Variants in SPNS3 observed in about 807,000 individuals in gnomAD.
SPNS3 encodes the protein protein spinster homolog 3.
Under a neutral mutation model 54.4 loss-of-function variants are expected in SPNS3, and 51 were observed. The ratio of observed to expected loss-of-function variants is 0.94; its 90% CI spans 0.75 to 1.18. SPNS3 has a LOEUF of 1.18. Ranked by LOEUF, SPNS3 falls within the 50% of genes most tolerant of loss-of-function variation. SPNS3 has a pLI of 0.00. For synonymous variants in SPNS3, 309 were observed against 294.7 expected, an observed-to-expected ratio of 1.05 and a Z score of -0.50; for missense variants, 669 against 677.4, an observed-to-expected ratio of 0.99 and a Z score of 0.14.
intron 8 of SPNS3, among the ~76,000 whole-genome samples, chr17:4,466,892 T>G (rs1188471488): frequency 7.2e-5 from 11 of 152,094 alleles, no homozygotes; most frequent in Admixed American, 7.2e-4. Context: ...GGATGAGTTC[T>G]CTGGAGAGCA....
At chr17:4,461,361 C>CTTTTT (rs55928003) in intron 8 of SPNS3, among the ~76,000 whole-genome samples, 495 of 33,456 alleles carry the variant, frequency 0.015, 11 homozygotes, top group East Asian at 0.024. Context: ...CTTTTCTTTT[C>CTTTTT]TTTTTTTTTT....
At chr17:4,463,396 C>CAAAAA (rs368770425) in intron 8 of SPNS3, among the ~76,000 whole-genome samples, 67 of 122,148 alleles carry the variant, frequency 5.5e-4, no homozygotes, top group African/African-American at 1.8e-3. Context: ...GACTCTGTCT[C>CAAAAA]AAAAAAAAAA....
chr17:4,451,933 C>T (rs1036479501), intron 7 of SPNS3, among the ~76,000 whole-genome samples: 13 of 151,902 alleles, frequency 8.6e-5, no homozygotes, highest in African/African-American at 2.9e-4. Context: ...CCCACCTCGG[C>T]CTCCCAAAGT....
chr17:4,436,862 C>T (rs758272973), intron 1 of SPNS3, among the ~76,000 whole-genome samples: 4 of 152,186 alleles, frequency 2.6e-5, no homozygotes, highest in Non-Finnish European at 5.9e-5. Flanking sequence ...GCCAAGGGCA[C>T]GCAAAGGCGA....
rs184250381 is a variant in SPNS3 at position 4,455,090 on chromosome 17, T to A, written c.1113+1885T>A. Among the ~76,000 whole-genome samples, 235 of 152,190 alleles carry A rather than the reference T, an allele frequency of 1.5e-3. 1 individual carries two copies. The highest frequency in any genetic ancestry group is 5.3e-3 in the African/African-American group (222 of 41,508). On this transcript the variant is annotated intron_variant, in intron 8 of 11. Transcript: ENST00000355530. ...CACCACGCCCAGCTAATTTTTGTAT[T>A]TTTAATAGAGATGGGGTTTCGCCAC...
In SPNS3 at chr17:4,448,239, G is replaced by T. The variant is rs61740736; in HGVS notation, c.706G>T (p.Gly236Trp). 12 of 1,601,418 alleles carry T rather than the reference G, an allele frequency of 7.5e-6. No homozygotes were observed. In the East Asian group the frequency reaches 2.0e-4, roughly 27 times the overall value. The part of the protein sequence containing the change: ...DPPRGAAETQ[G>W]EGAVGGFRSS... Reference sequence around the variant, plus strand: ...ACCCCGGGGAGCTGCCGAGACACAGGGGGAGGGGGCCGTGGGAGGCTTCAG... The same window carrying T: ...ACCCCGGGGAGCTGCCGAGACACAGTGGGAGGGGGCCGTGGGAGGCTTCAG... Residue 236 changes from glycine to tryptophan, a missense_variant, in exon 6 of 12, where the codon GGG (glycine) becomes TGG (tryptophan). Coordinates refer to ENST00000355530, the MANE Select transcript of SPNS3 (RefSeq NM_182538.5).
intron 2 of SPNS3, among the ~76,000 whole-genome samples, chr17:4,440,075 C>A (rs752052502): frequency 2.0e-5 from 3 of 152,154 alleles, no homozygotes; most frequent in Non-Finnish European, 2.9e-5. Flanking sequence ...CTGATGTGTG[C>A]TTTCCTCTCA....
intron 8 of SPNS3, among the ~76,000 whole-genome samples, chr17:4,462,729 C>CAGT: frequency 3.3e-5 from 4 of 122,392 alleles, no homozygotes; most frequent in African/African-American, 1.0e-4. Flanking sequence ...ACCCACCCAC[C>CAGT]CATCCACCAA....
chr17:4,465,324 G>A (rs955681208), intron 8 of SPNS3, among the ~76,000 whole-genome samples: 1 of 152,144 alleles, frequency 6.6e-6, no homozygotes, highest in African/African-American at 2.4e-5. Flanking sequence ...GAACTGTGTT[G>A]CCTTTTATGA....
chr17:4,462,818 C>T (rs1189158704), intron 8 of SPNS3, among the ~76,000 whole-genome samples: 1 of 145,388 alleles, frequency 6.9e-6, no homozygotes, highest in Non-Finnish European at 1.5e-5. Flanking sequence ...TCTATCCATC[C>T]ATCCATCCAT....
chr17:4,487,816 C>G lies in SPNS3; in HGVS notation c.1461C>G (p.Asp487Glu), dbSNP rs1320416511. 7.4e-6 allele frequency: 12 copies of G among 1,613,984 alleles called. No homozygotes were observed. Among genetic ancestry groups the G allele is most frequent in the Non-Finnish European group, 1.0e-5 (12 of 1,179,904 alleles). ...TCTTTCCTCCTGCAGGGACCCCAGA[C>G]AGCAATGATGTGGACAGCAACGACC... ...RAWQPVTGTP[D>E]SNDVDSNDLE... is the part of the protein sequence containing the mutation. Residue 487 changes from aspartate (D) to glutamate (E), a missense_variant, in exon 12 of 12, where the codon GAC becomes GAG. Transcript: ENST00000355530.
chr17:4,474,004 C>T lies in SPNS3; in HGVS notation c.1114-4568C>T, dbSNP rs547803587. ...TACCTGGCTTTCTGGGCTGGACAAACCAGGCCCCACCAGGGGCTGTCTGAG... is the reference window on the plus strand; with the variant it reads ...TACCTGGCTTTCTGGGCTGGACAAATCAGGCCCCACCAGGGGCTGTCTGAG... On this transcript the variant is annotated intron_variant, in intron 8 of 11. Transcript: ENST00000355530. Among the ~76,000 whole-genome samples the T allele has an allele frequency of 3.2e-4, 49 of 152,280 alleles. 2 individuals carry two copies. In the South Asian group the frequency reaches 4.3e-3, roughly 14 times the overall value.
chr17:4,451,843 A>ATT lies in SPNS3; in HGVS notation c.924-1159_924-1158dup, dbSNP rs796190961. Reference sequence around the variant, plus strand: ...ACCACTGTTCCCAGCTAATTTTTGTATTTTTTTTTTTTTTTAGTAGAGACG... The same window carrying ATT: ...ACCACTGTTCCCAGCTAATTTTTGTATTTTTTTTTTTTTTTTTAGTAGAGACG... On this transcript the variant is annotated intron_variant, in intron 7 of 11. Transcript: ENST00000355530. 4.2e-3 allele frequency among the ~76,000 whole-genome samples: 588 copies of ATT among 140,066 alleles called. 4 individuals are homozygous for ATT. Among genetic ancestry groups the ATT allele is most frequent in the African/African-American group, 0.014 (518 of 38,328 alleles). 91.9% of individuals were successfully genotyped at this position (140,066 alleles called of 152,430 possible). A position where few individuals can be genotyped will look rare whatever the true frequency, so the allele number is the denominator to read the frequency against.
intron 1 of SPNS3, among the ~76,000 whole-genome samples, chr17:4,435,480 T>C (rs1489823954): frequency 1.7e-5 from 2 of 116,564 alleles, no homozygotes; most frequent in South Asian, 5.3e-4. Context: ...AATAAATAAA[T>C]AAATATTTTT....
At chr17:4,446,469 C>T in intron 4 of SPNS3, 1 of 492,524 alleles carries the variant, frequency 2.0e-6, no homozygotes. Flanking sequence ...CAGTGTGGCC[C>T]ACCCAGGGAA....
intron 8 of SPNS3, among the ~76,000 whole-genome samples, chr17:4,461,373 T>TTTTTTTTTTTTTTTTTTTTTTTTTTTTG (rs1971501633): frequency 7.5e-6 from 1 of 134,132 alleles, no homozygotes; most frequent in Non-Finnish European, 1.6e-5. Context: ...TTTTTTTTTT[T>TTTTTTTTTTTTTTTTTTTTTTTTTTTTG]TTTTTTTTTT....
At chr17:4,472,774 C>CATTTT (rs1567572187) in intron 8 of SPNS3, among the ~76,000 whole-genome samples, 7 of 50,940 alleles carry the variant, frequency 1.4e-4, no homozygotes, top group African/African-American at 5.3e-4. Flanking sequence ...GCTTGGCAGC[C>CATTTT]TTTTTTTTTT....
At chr17:4,482,888 G>A (rs990279273) in intron 9 of SPNS3, among the ~76,000 whole-genome samples, 1 of 152,180 alleles carries the variant, frequency 6.6e-6, no homozygotes, top group African/African-American at 2.4e-5. Context: ...GATCCCAGGG[G>A]CACGATCTCT....
intron 2 of SPNS3, among the ~76,000 whole-genome samples, chr17:4,442,378 C>T (rs995945302): frequency 1.4e-4 from 21 of 151,986 alleles, no homozygotes; most frequent in East Asian, 5.8e-4. Context: ...ACTAAAAATA[C>T]AAAAATTAGC....
Sources: gnomAD v4.1 joint callset for allele counts (sites outside exome capture counted in the v4.1 genomes callset) on GRCh38, gnomAD v4.1.1 for gene constraint, MANE v1.5 for transcripts, NCBI Gene and HGNC (gene_info 2026-07-23, HGNC 2026-07-21) for gene names.